Variants in PPP2R2B observed in about 807,000 individuals in gnomAD.
PPP2R2B encodes serine/threonine-protein phosphatase 2A 55 kDa regulatory subunit B beta isoform.
In PPP2R2B, 5 loss-of-function variants were observed where a neutral mutation model predicts 46.0. The ratio of observed to expected loss-of-function variants is 0.11; its 90% CI spans 0.06 to 0.23. The LOEUF (loss-of-function observed/expected upper bound fraction) is 0.23. Among genes scored for constraint, PPP2R2B ranks in the 10% least tolerant of loss-of-function variants. The pLI, the probability that PPP2R2B is intolerant of heterozygous loss-of-function variation, is 1.00. For synonymous variants in PPP2R2B, 215 were observed against 206.7 expected (o/e 1.04, Z -0.34); for missense variants, 367 against 575.0 (o/e 0.64, Z 3.70).
intron 5 of PPP2R2B, among the ~76,000 whole-genome samples, chr5:146,687,079 A>AGAGAGAGG (rs1242166403): frequency 6.7e-6 from 1 of 149,616 alleles, no homozygotes; most frequent in Non-Finnish European, 1.5e-5. Context: ...GGGGGGAGGG[A>AGAGAGAGG]GAGAGAGGGA....
chr5:147,062,956 AAGGGAGGGAGGGAGGGAGGG>A (rs1165879237), intron 2 of PPP2R2B, among the ~76,000 whole-genome samples: 5 of 74,194 alleles, frequency 6.7e-5, no homozygotes, highest in African/African-American at 1.9e-4. Flanking sequence ...TAGAATGTAA[AAGGGAGGGAGGGAGGGAGGG>A]AGGGAGGGAG....
chr5:146,755,480 C>A (rs113879396), intron 2 of PPP2R2B, among the ~76,000 whole-genome samples: 4,623 of 152,198 alleles, frequency 0.03, 209 homozygotes, highest in African/African-American at 0.11. Context: ...TAGCATAAGT[C>A]ATATATAATA....
chr5:146,737,111 C>T (rs1294238730), intron 2 of PPP2R2B, among the ~76,000 whole-genome samples: 1 of 152,082 alleles, frequency 6.6e-6, no homozygotes, highest in African/African-American at 2.4e-5. Context: ...GTATTTCATA[C>T]TTACAGCACA....
chr5:146,708,524 G>T (rs1022701672), intron 2 of PPP2R2B, among the ~76,000 whole-genome samples: 6 of 151,444 alleles, frequency 4.0e-5, no homozygotes, highest in Admixed American at 3.9e-4. Context: ...TCATGATATA[G>T]AACAATTCCA....
At chr5:146,938,257 T>C (rs1002032380) in intron 1 of PPP2R2B, among the ~76,000 whole-genome samples, 1 of 152,198 alleles carries the variant, frequency 6.6e-6, no homozygotes, top group Non-Finnish European at 1.5e-5. Context: ...ATTTCAGATA[T>C]ATTAAATGTG....
intron 2 of PPP2R2B, among the ~76,000 whole-genome samples, chr5:147,075,687 T>C (rs904553190): frequency 2.6e-5 from 4 of 152,150 alleles, no homozygotes; most frequent in East Asian, 3.9e-4. Flanking sequence ...CACCCAATTG[T>C]TCAAAGCTAA....
chr5:146,764,766 C>T (rs1405088413), intron 2 of PPP2R2B, among the ~76,000 whole-genome samples: 1 of 151,338 alleles, frequency 6.6e-6, no homozygotes, highest in Non-Finnish European at 1.5e-5. Flanking sequence ...ATCTTGCTAG[C>T]CAAGAGATGT....
intron 7 of PPP2R2B, among the ~76,000 whole-genome samples, chr5:146,627,427 G>T (rs1337590400): frequency 6.6e-6 from 1 of 152,178 alleles, no homozygotes; most frequent in Non-Finnish European, 1.5e-5. Context: ...CTTACCAGGG[G>T]TTGGCAATTA....
intron 2 of PPP2R2B, among the ~76,000 whole-genome samples, chr5:146,813,510 C>T (rs372060576): frequency 2.0e-5 from 3 of 152,122 alleles, no homozygotes; most frequent in Non-Finnish European, 4.4e-5. Context: ...GTGTGTCGCT[C>T]GGTTCCATGG....
intron 2 of PPP2R2B, among the ~76,000 whole-genome samples, chr5:146,850,849 T>C (rs1184305254): frequency 6.6e-6 from 1 of 152,104 alleles, no homozygotes; most frequent in Non-Finnish European, 1.5e-5. Flanking sequence ...ATACAATAAG[T>C]GCCCAATAAA....
At chr5:147,076,135 C>A (rs1757756925) in intron 2 of PPP2R2B, among the ~76,000 whole-genome samples, 1 of 151,980 alleles carries the variant, frequency 6.6e-6, no homozygotes, top group African/African-American at 2.4e-5. Flanking sequence ...ACTGCGTTTC[C>A]TGGATAAATG....
chr5:146,963,362 C>T lies in PPP2R2B; in HGVS notation c.79+92303G>A, dbSNP rs182021959. Among the ~76,000 whole-genome samples the T allele has an allele frequency of 3.1e-4, 47 of 152,234 alleles. 1 individual carries two copies. Among genetic ancestry groups the T allele is most frequent in the African/African-American group, 1.1e-3 (45 of 41,516 alleles). ...TCAGAGTTCCTCTTCTTAGCACCAC[C>T]ACGGAGTAGGGATCTGGAGGGTGAA... On this transcript the variant is annotated intron_variant, in intron 1 of 8. Transcript: ENST00000336640.
At chr5:147,051,087 T>C (rs2151902563) in intron 1 of PPP2R2B, among the ~76,000 whole-genome samples, 1 of 152,264 alleles carries the variant, frequency 6.6e-6, no homozygotes, top group East Asian at 1.9e-4. Context: ...CCAAGTAGCT[T>C]CTGGCCACTC....
chr5:146,685,938 G>A lies in PPP2R2B; in HGVS notation c.447+5190C>T, dbSNP rs758326759. On this transcript the variant is annotated intron_variant, in intron 5 of 9. Transcript: ENST00000394411. ...TATGTTAAGAGAGCTTTGATAAAAC[G>A]TTCTGAGAGACATCAATCAATAATA... Among the ~76,000 whole-genome samples, 33 of 152,030 alleles carry A rather than the reference G, an allele frequency of 2.2e-4. 1 individual carries two copies. Among genetic ancestry groups the A allele is most frequent in the African/African-American group, 7.5e-4 (31 of 41,376 alleles).
At position 146,808,750 on chromosome 5, in the gene PPP2R2B, G is replaced by T. The variant is rs80028791; in HGVS notation, c.70+69252C>A. Among the ~76,000 whole-genome samples the T allele has an allele frequency of 5.5e-3, 836 of 152,314 alleles. 7 individuals carry two copies. Among genetic ancestry groups the T allele is most frequent in the African/African-American group, 0.019 (801 of 41,562 alleles). On this transcript the variant is annotated intron_variant, in intron 2 of 9. Transcript: ENST00000394411. ...TTTATTTCCTCTCTGAAATAAAACAGAATTGACTTGCCAAGGTATCTGCAG... is the reference window on the plus strand; with the variant it reads ...TTTATTTCCTCTCTGAAATAAAACATAATTGACTTGCCAAGGTATCTGCAG...
chr5:146,937,610 A>G (rs1237864071), intron 1 of PPP2R2B, among the ~76,000 whole-genome samples: 2 of 152,108 alleles, frequency 1.3e-5, no homozygotes, highest in East Asian at 3.9e-4. Flanking sequence ...TTGAAGGCTG[A>G]GCAGGGGTTG....
chr5:147,060,046 A>T (rs1425767635), upstream of PPP2R2B, among the ~76,000 whole-genome samples: 6 of 152,168 alleles, frequency 3.9e-5, no homozygotes, highest in African/African-American at 1.4e-4. Flanking sequence ...AGGAAAAAAA[A>T]ATTAGCTTAT....
intron 2 of PPP2R2B, among the ~76,000 whole-genome samples, chr5:146,796,379 G>T (rs1756537378): frequency 6.6e-6 from 1 of 152,126 alleles, no homozygotes; most frequent in Non-Finnish European, 1.5e-5. Flanking sequence ...TTTTTACCAA[G>T]TGATAAGTTT....
At chr5:146,653,029 G>T (rs1776081961) in intron 5 of PPP2R2B, among the ~76,000 whole-genome samples, 1 of 152,108 alleles carries the variant, frequency 6.6e-6, no homozygotes, top group Non-Finnish European at 1.5e-5. Flanking sequence ...AATATTTATT[G>T]GGCATTTTCT....
Sources: gnomAD v4.1 joint callset for allele counts (sites outside exome capture counted in the v4.1 genomes callset) on GRCh38, gnomAD v4.1.1 for gene constraint, MANE v1.5 for transcripts, NCBI Gene and HGNC (gene_info 2026-07-23, HGNC 2026-07-21) for gene names.